RAB3C: variants seen among roughly 807,000 people sequenced by gnomAD.
The protein encoded by RAB3C is RAB3C, member RAS oncogene family.
A neutral mutation model predicts 26.4 loss-of-function variants in RAB3C; 17 were observed. That is an observed-to-expected ratio of 0.64 (90% CI 0.44 to 0.97). The LOEUF is 0.97. RAB3C is among the 50% of genes least tolerant of loss of function. The probability of loss-of-function intolerance (pLI) is 0.00; values close to 1 mark genes in which losing one functional copy is unlikely to be tolerated. For missense variants in RAB3C, 242 were observed against 281.9 expected, an observed-to-expected ratio of 0.86 and a Z score of 1.01; for synonymous variants, 91 against 95.9, an observed-to-expected ratio of 0.95 and a Z score of 0.30.
intron 2 of RAB3C, among the ~76,000 whole-genome samples, chr5:58,685,610 T>A (rs549246963): frequency 6.6e-6 from 1 of 152,306 alleles, no homozygotes; most frequent in South Asian, 2.1e-4. Context: ...CTGCAACAGA[T>A]AATAACTTCT....
At chr5:58,612,518 G>GTATATATATATATATATA (rs1554044127) in intron 1 of RAB3C, among the ~76,000 whole-genome samples, 2 of 40,582 alleles carry the variant, frequency 4.9e-5, no homozygotes, top group African/African-American at 1.6e-4. Flanking sequence ...GTGTGTGTGT[G>GTATATATATATATATATA]TGTATATATA....
At chr5:58,667,085 T>C (rs984170223) in intron 2 of RAB3C, among the ~76,000 whole-genome samples, 2 of 152,188 alleles carry the variant, frequency 1.3e-5, no homozygotes, top group African/African-American at 4.8e-5. Context: ...TTTCCCAATG[T>C]CTTTTCACCC....
intron 2 of RAB3C, among the ~76,000 whole-genome samples, chr5:58,682,074 G>T (rs900064386): frequency 6.6e-6 from 1 of 152,160 alleles, no homozygotes; most frequent in East Asian, 1.9e-4. Context: ...ATGTCATGAG[G>T]AGAAACATTT....
intron 1 of RAB3C, among the ~76,000 whole-genome samples, chr5:58,609,698 C>T (rs1011182521): frequency 6.6e-6 from 1 of 152,150 alleles, no homozygotes; most frequent in Non-Finnish European, 1.5e-5. Flanking sequence ...ATCTTGAAAG[C>T]ATTACCATAA....
At position 58,854,338 on chromosome 5, in the gene RAB3C, T is replaced by G. The variant is rs552323937; in HGVS notation, c.*2987T>G. Reference sequence around the variant, plus strand: ...AGGAATAAACCTGAACTGTTCCAAATCGATTCTTCCAAGAGCTTTGGTGTT... The same window carrying G: ...AGGAATAAACCTGAACTGTTCCAAAGCGATTCTTCCAAGAGCTTTGGTGTT... On this transcript the variant is annotated 3_prime_UTR_variant, in exon 5 of 5. Coordinates refer to ENST00000282878, the MANE Select transcript of RAB3C (RefSeq NM_138453.4). 2 of 152,176 alleles carry G rather than the reference T, an allele frequency of 1.3e-5. No homozygotes were observed. Among genetic ancestry groups the G allele is most frequent in the African/African-American group, 4.8e-5 (2 of 41,440 alleles). The allele number at this position is 152,176 out of a possible 1,614,324, so 9.4% of individuals were successfully genotyped here.
rs1157625452 is a variant in RAB3C, at chr5:58,856,446, A to G, written c.*5095A>G. The G allele has an allele frequency of 6.6e-6, 1 of 152,106 alleles. No homozygotes were observed. Among genetic ancestry groups the G allele is most frequent in the Admixed American group, 6.6e-5 (1 of 15,250 alleles). 9.4% of individuals were successfully genotyped at this position (152,106 alleles called of 1,614,324 possible). ...TTTTAAATTACTGCAGTTTTTCAAAACACTATCCTCATGGAATGACAGGAC... is the reference window on the plus strand; with the variant it reads ...TTTTAAATTACTGCAGTTTTTCAAAGCACTATCCTCATGGAATGACAGGAC... On this transcript the variant is annotated 3_prime_UTR_variant, in exon 5 of 5. Transcript: ENST00000282878.
At chr5:58,683,561 A>G (rs1028300105) in intron 2 of RAB3C, among the ~76,000 whole-genome samples, 13 of 152,216 alleles carry the variant, frequency 8.5e-5, no homozygotes, top group African/African-American at 3.1e-4. Flanking sequence ...ACAAATGTAT[A>G]GTTGTTCCCC....
intron 3 of RAB3C, among the ~76,000 whole-genome samples, chr5:58,761,958 A>G (rs1463256714): frequency 6.6e-6 from 1 of 151,864 alleles, no homozygotes; most frequent in Admixed American, 6.6e-5. Context: ...ATAATATTAA[A>G]TTTTTTCACT....
intron 2 of RAB3C, among the ~76,000 whole-genome samples, chr5:58,628,972 T>G (rs1747126293): frequency 7.4e-6 from 1 of 135,152 alleles, no homozygotes; most frequent in South Asian, 2.3e-4. Context: ...GAGGATTGCT[T>G]GAGTACCCAG....
chr5:58,719,824 A>C (rs1309425720), intron 2 of RAB3C, among the ~76,000 whole-genome samples: 1 of 151,960 alleles, frequency 6.6e-6, no homozygotes, highest in Non-Finnish European at 1.5e-5. Context: ...TACTGGGTAC[A>C]GGGTATACTG....
In RAB3C at chr5:58,798,089, TTGG is replaced by T. The variant is rs374230358; in HGVS notation, c.372-26948_372-26946del. ...TAAAGAGTAATCATTCAGAACATAC[TTGG>T]CGGGGGGGCCTCCTCTTTACAGAAG... On this transcript the variant is annotated intron_variant, in intron 3 of 4. Transcript: ENST00000282878. 1.5e-4 allele frequency among the ~76,000 whole-genome samples: 15 copies of T among 102,650 alleles called. No individual in the cohort carries two copies. In the South Asian group the frequency reaches 1.6e-3, roughly 11 times the overall value. 67.3% of individuals were successfully genotyped at this position (102,650 alleles called of 152,430 possible).
intron 3 of RAB3C, among the ~76,000 whole-genome samples, chr5:58,772,839 A>G (rs1742056205): frequency 6.6e-6 from 1 of 152,198 alleles, no homozygotes. Flanking sequence ...TATTGTATAG[A>G]GAATCATAAG....
chr5:58,836,938 T>C (rs768450489), intron 4 of RAB3C, among the ~76,000 whole-genome samples: 1 of 152,164 alleles, frequency 6.6e-6, no homozygotes, highest in South Asian at 2.1e-4. Context: ...CTATTTCCAG[T>C]TTTTTTGAGA....
At chr5:58,619,238 G>T (rs1252486942) in intron 2 of RAB3C, among the ~76,000 whole-genome samples, 1 of 152,056 alleles carries the variant, frequency 6.6e-6, no homozygotes, top group Non-Finnish European at 1.5e-5. Context: ...CTTAGGCTGG[G>T]CATATTCCCT....
intron 3 of RAB3C, among the ~76,000 whole-genome samples, chr5:58,760,306 G>A (rs868789627): frequency 1.2e-4 from 19 of 152,198 alleles, no homozygotes; most frequent in African/African-American, 2.6e-4. Flanking sequence ...ATGAGCTCCC[G>A]GATGGAATGT....
chr5:58,655,572 G>A (rs1747751318), intron 2 of RAB3C, among the ~76,000 whole-genome samples: 2 of 152,090 alleles, frequency 1.3e-5, no homozygotes, highest in Admixed American at 1.3e-4. Flanking sequence ...ACTAATGACT[G>A]CAACAAGCCA....
intron 1 of RAB3C, among the ~76,000 whole-genome samples, chr5:58,600,478 A>T (rs546160376): frequency 1.3e-5 from 2 of 152,124 alleles, no homozygotes; most frequent in South Asian, 4.1e-4. Flanking sequence ...TGAGCATGGG[A>T]TGTGTTTCCA....
At chr5:58,754,071 T>C (rs1285775338) in intron 3 of RAB3C, among the ~76,000 whole-genome samples, 1 of 152,036 alleles carries the variant, frequency 6.6e-6, no homozygotes, top group Non-Finnish European at 1.5e-5. Context: ...GATTCTTCTA[T>C]TTGAGAGGGG....
intron 2 of RAB3C, among the ~76,000 whole-genome samples, chr5:58,620,347 A>AT (rs1431328839): frequency 6.6e-6 from 1 of 152,196 alleles, no homozygotes; most frequent in East Asian, 1.9e-4. Flanking sequence ...CAGTTTTATA[A>AT]TAGTGTATAC....
Sources: gnomAD v4.1 joint callset for allele counts (sites outside exome capture counted in the v4.1 genomes callset) on GRCh38, gnomAD v4.1.1 for gene constraint, MANE v1.5 for transcripts, NCBI Gene and HGNC (gene_info 2026-07-23, HGNC 2026-07-21) for gene names.